Variants in CNGB3 observed in about 807,000 individuals in gnomAD.
CNGB3 encodes cyclic nucleotide-gated channel beta-3.
Under a neutral mutation model 92.8 loss-of-function variants are expected in CNGB3, and 86 were observed. The observed-to-expected ratio is 0.93, with a 90% CI of 0.78 to 1.11. CNGB3 has a LOEUF of 1.11. Ranked by LOEUF, CNGB3 falls within the 50% of genes least tolerant of loss-of-function variation. The pLI is 0.00. For missense variants in CNGB3, 1,026 were observed against 956.8 expected (o/e 1.07, Z -0.95); for synonymous variants, 333 against 332.7 (o/e 1.00, Z -0.01).
chr8:86,667,624 C>T (rs1823768782), intron 5 of CNGB3, among the ~76,000 whole-genome samples: 1 of 152,184 alleles, frequency 6.6e-6, no homozygotes, highest in Non-Finnish European at 1.5e-5. Context: ...TCCCTTCACA[C>T]ATAGCCCTTC....
chr8:86,612,311 ACTATAT>A (rs1403200344), intron 13 of CNGB3, among the ~76,000 whole-genome samples: 1 of 152,200 alleles, frequency 6.6e-6, no homozygotes, highest in African/African-American at 2.4e-5. Context: ...TGTTTAAATA[ACTATAT>A]CTATATGAGC....
intron 6 of CNGB3, among the ~76,000 whole-genome samples, chr8:86,666,393 G>C (rs768732664): frequency 6.6e-6 from 1 of 152,164 alleles, no homozygotes; most frequent in African/African-American, 2.4e-5. Flanking sequence ...CTGAACCTGC[G>C]TGATTGTAGA....
chr8:86,586,819 C>T (rs1459301946), intron 15 of CNGB3, among the ~76,000 whole-genome samples: 1 of 140,200 alleles, frequency 7.1e-6, no homozygotes, highest in African/African-American at 2.9e-5. Context: ...GTCTTTATAG[C>T]AGCATGATTT....
At chr8:86,670,061 G>A (rs142540381) in intron 4 of CNGB3, among the ~76,000 whole-genome samples, 2,880 of 152,162 alleles carry the variant, frequency 0.019, 91 homozygotes, top group African/African-American at 0.065. Flanking sequence ...TGTTGGCCAG[G>A]ATGGTCTTGA....
chr8:86,737,440 A>G (rs1254443484), intron 2 of CNGB3, among the ~76,000 whole-genome samples: 6 of 152,148 alleles, frequency 3.9e-5, no homozygotes, highest in Non-Finnish European at 8.8e-5. Context: ...CTTTTCTCCT[A>G]AATAGAAACA....
intron 10 of CNGB3, among the ~76,000 whole-genome samples, chr8:86,639,123 A>G (rs1463554521): frequency 6.6e-6 from 1 of 151,890 alleles, no homozygotes; most frequent in Admixed American, 6.6e-5. Flanking sequence ...TACATCAACT[A>G]AAGTCAATAA....
intron 7 of CNGB3, among the ~76,000 whole-genome samples, chr8:86,650,545 G>C (rs151100604): frequency 6.6e-6 from 1 of 151,320 alleles, no homozygotes; most frequent in Admixed American, 6.6e-5. Flanking sequence ...AAATAAAAAA[G>C]CAGACACACT....
chr8:86,679,238 T>A (rs1824034047), intron 3 of CNGB3, among the ~76,000 whole-genome samples: 1 of 152,216 alleles, frequency 6.6e-6, no homozygotes, highest in Non-Finnish European at 1.5e-5. Flanking sequence ...TCTCTTTCAT[T>A]TTACACACAC....
At chr8:86,675,897 C>A (rs988018803) in intron 3 of CNGB3, among the ~76,000 whole-genome samples, 17 of 152,180 alleles carry the variant, frequency 1.1e-4, no homozygotes, top group East Asian at 5.8e-4. Flanking sequence ...GTATAATTAA[C>A]AATTAGGATT....
At chr8:86,632,964 A>G (rs1822991848) in intron 10 of CNGB3, 71 bp from the exon 11 acceptor site, 1 of 1,368,412 alleles carries the variant, frequency 7.3e-7, no homozygotes. Context: ...TTGGGAGAAT[A>G]TAGTACTATT....
intron 6 of CNGB3, chr8:86,658,357 C>A: frequency 2.2e-6 from 1 of 453,796 alleles, no homozygotes; most frequent in South Asian, 2.1e-5. Flanking sequence ...CTGTCCAGTC[C>A]ATCTCCTTCC....
intron 3 of CNGB3, among the ~76,000 whole-genome samples, chr8:86,715,496 G>A (rs1391523856): frequency 2.0e-5 from 3 of 151,998 alleles, no homozygotes; most frequent in African/African-American, 7.2e-5. Context: ...GGGAAAGGGG[G>A]AAATCACCAC....
chr8:86,650,181 T>C (rs969194933), intron 7 of CNGB3, among the ~76,000 whole-genome samples: 24 of 151,528 alleles, frequency 1.6e-4, no homozygotes, highest in African/African-American at 5.3e-4. Flanking sequence ...GCAGGCACAC[T>C]GTTGACCTGT....
At chr8:86,606,833 C>A (rs1266885733) in intron 14 of CNGB3, among the ~76,000 whole-genome samples, 1 of 152,174 alleles carries the variant, frequency 6.6e-6, no homozygotes, top group African/African-American at 2.4e-5. Flanking sequence ...CCAGAACTAG[C>A]AGCACCTATG....
Sources: allele counts gnomAD v4.1 joint callset (sites outside exome capture counted in the v4.1 genomes callset), GRCh38; gene constraint gnomAD v4.1.1; transcripts MANE v1.5; gene names NCBI Gene and HGNC (gene_info 2026-07-23, HGNC 2026-07-21).